The following OPRM1 variants were observed in gnomAD, a reference collection of about 807,000 sequenced individuals.
OPRM1 encodes mu-type opioid receptor.
OPRM1 carries 27 observed loss-of-function variants against 31.8 expected under a neutral mutation model. That is an observed-to-expected ratio of 0.85 (90% CI 0.63 to 1.17). The LOEUF (loss-of-function observed/expected upper bound fraction) is 1.17, where lower values mean the gene tolerates loss of function less well. Ranked by LOEUF, OPRM1 falls within the 50% of genes most tolerant of loss-of-function variation. The probability of loss-of-function intolerance (pLI) is 0.00; values close to 1 mark genes in which losing one functional copy is unlikely to be tolerated. For missense variants in OPRM1, 536 were observed against 511.1 expected (o/e 1.05, Z -0.47); for synonymous variants, 196 against 189.9 (o/e 1.03, Z -0.26).
Position 154,120,791 on chromosome 6 carries a change from G to A in OPRM1, c.*2070G>A, listed in dbSNP as rs1347562777. Among the ~76,000 whole-genome samples, 2 of 151,966 alleles carry A rather than the reference G, an allele frequency of 1.3e-5. No individual in the cohort carries two copies. Among genetic ancestry groups the A allele is most frequent in the East Asian group, 1.9e-4 (1 of 5,196 alleles). Reference sequence around the variant, plus strand: ...TCTGCTTAATACCAGCTCCTAGTACGAATTATCTGGCATGTTGAGAGCAAC... The same window carrying A: ...TCTGCTTAATACCAGCTCCTAGTACAAATTATCTGGCATGTTGAGAGCAAC... On this transcript the variant is annotated 3_prime_UTR_variant, in exon 4 of 4. Coordinates refer to ENST00000330432, the MANE Select transcript of OPRM1 (RefSeq NM_000914.5).
Position 154,051,637 on chromosome 6 carries a change from A to G in OPRM1, c.290+11803A>G, listed in dbSNP as rs1039382825. ...TCAAAACTACAATGAGAACCATCTCATGCCAGTCAGAATGGCGATTATTAA... is the reference window on the plus strand; with the variant it reads ...TCAAAACTACAATGAGAACCATCTCGTGCCAGTCAGAATGGCGATTATTAA... On this transcript the variant is annotated intron_variant, in intron 1 of 3. Coordinates refer to ENST00000330432, the MANE Select transcript of OPRM1 (RefSeq NM_000914.5). 2.6e-5 allele frequency among the ~76,000 whole-genome samples: 4 copies of G among 152,218 alleles called. No individual in the cohort carries two copies. The South Asian group carries it at 6.2e-4, about 24-fold the overall frequency.
chr6:154,111,791 G>A (rs1457103727), intron 3 of OPRM1, among the ~76,000 whole-genome samples: 1 of 151,136 alleles, frequency 6.6e-6, no homozygotes, highest in Non-Finnish European at 1.5e-5. Context: ...TTTTGAGACC[G>A]AGTCTCGCTC....
chr6:154,145,094 C>T (rs1798324754), intron 3 of OPRM1, among the ~76,000 whole-genome samples: 6 of 152,016 alleles, frequency 3.9e-5, no homozygotes, highest in Admixed American at 3.9e-4. Context: ...CAAGGATGTC[C>T]ACCCTCACTA....
Position 154,186,468 on chromosome 6 carries a change from A to G in OPRM1, c.1165-60225A>G, listed in dbSNP as rs561305217. Among the ~76,000 whole-genome samples, 5 of 152,246 alleles carry G rather than the reference A, an allele frequency of 3.3e-5. No individual in the cohort carries two copies. In the South Asian group the frequency reaches 8.3e-4, roughly 25 times the overall value. ...CAAATCCCATCACCTCCACCTGAAC[A>G]CAGGCAGCAGCCACCTCGCCGCCTA... On this transcript the variant is annotated intron_variant, in intron 3 of 3. Transcript: ENST00000337049.
chr6:154,097,471 A>T (rs1231709130), intron 3 of OPRM1, among the ~76,000 whole-genome samples: 2 of 152,156 alleles, frequency 1.3e-5, no homozygotes, highest in Non-Finnish European at 2.9e-5. Flanking sequence ...GGGAAAAAAA[A>T]CTCAAATGAG....
chr6:154,195,926 G>C (rs1776586332), intron 3 of OPRM1, among the ~76,000 whole-genome samples: 1 of 151,762 alleles, frequency 6.6e-6, no homozygotes, highest in African/African-American at 2.4e-5. Flanking sequence ...AGAGTAGCTG[G>C]GATTACAGGT....
chr6:154,152,347 G>GAAAGAAAGAAAGAAAGAAAGAAAA, intron 3 of OPRM1, among the ~76,000 whole-genome samples: 5 of 65,202 alleles, frequency 7.7e-5, no homozygotes, highest in Admixed American at 2.0e-4. Flanking sequence ...AAGAAAGAAA[G>GAAAGAAAGAAAGAAAGAAAGAAAA]GAAAGAAAGA....
intron 1 of OPRM1, among the ~76,000 whole-genome samples, chr6:154,019,130 T>C (rs1455860940): frequency 2.0e-5 from 3 of 150,954 alleles, no homozygotes; most frequent in African/African-American, 7.3e-5. Flanking sequence ...ATTATTTTAG[T>C]AATTTTAAAA....
At chr6:154,020,948 A>T (rs1309327873) in intron 1 of OPRM1, among the ~76,000 whole-genome samples, 2 of 152,202 alleles carry the variant, frequency 1.3e-5, no homozygotes, top group Non-Finnish European at 2.9e-5. Flanking sequence ...TTCACAGAGT[A>T]AATGTTTTTA....
intron 3 of OPRM1, among the ~76,000 whole-genome samples, chr6:154,167,542 C>T (rs1474940692): frequency 2.6e-5 from 4 of 152,138 alleles, no homozygotes; most frequent in South Asian, 4.1e-4. Flanking sequence ...CTTATTTATA[C>T]GACTGTTTAT....
chr6:154,239,962 A>G (rs755093800), intron 3 of OPRM1, among the ~76,000 whole-genome samples: 1 of 152,240 alleles, frequency 6.6e-6, no homozygotes, highest in Non-Finnish European at 1.5e-5. Context: ...TCAGCCACCC[A>G]AAGTGCTGGG....
At chr6:154,052,270 C>A (rs913608044) in intron 1 of OPRM1, among the ~76,000 whole-genome samples, 2 of 152,168 alleles carry the variant, frequency 1.3e-5, no homozygotes, top group Non-Finnish European at 2.9e-5. Flanking sequence ...GTGCAGCAAA[C>A]CACCGTGGCA....
At position 154,086,582 on chromosome 6, in the gene OPRM1, A is replaced by G. The variant is rs772638457; in HGVS notation, c.291-3244A>G. On this transcript the variant is annotated intron_variant, in intron 1 of 3. Transcript: ENST00000330432. ...GAACCCTGACATAATTTTTTTTTCC[A>G]CAAACACCTCACTCTGGAGAAGGAA... 2.1e-4 allele frequency: 202 copies of G among 984,824 alleles called. 1 individual carries two copies. The highest frequency in any genetic ancestry group is 6.9e-5 in the Non-Finnish European group (57 of 829,570). 61.0% of individuals were successfully genotyped at this position (984,824 alleles called of 1,614,324 possible). A position where few individuals can be genotyped will look rare whatever the true frequency, so the allele number is the denominator to read the frequency against.
chr6:154,020,597 G>A (rs1562371902), intron 1 of OPRM1, among the ~76,000 whole-genome samples: 1 of 152,154 alleles, frequency 6.6e-6, no homozygotes, highest in Non-Finnish European at 1.5e-5. Flanking sequence ...TGAGATTATG[G>A]CATTTGGGAT....
intron 1 of OPRM1, among the ~76,000 whole-genome samples, chr6:154,085,853 CA>C (rs1790405914): frequency 6.7e-6 from 1 of 149,126 alleles, no homozygotes. Flanking sequence ...GGACAACATT[CA>C]TGCCACCACA....
At chr6:154,050,235 T>C (rs1435554384) in intron 1 of OPRM1, among the ~76,000 whole-genome samples, 2 of 152,192 alleles carry the variant, frequency 1.3e-5, no homozygotes, top group African/African-American at 4.8e-5. Flanking sequence ...TTTTGGTAGG[T>C]TGTATGTATA....
upstream of OPRM1, among the ~76,000 whole-genome samples, chr6:154,037,216 T>C (rs1217342509): frequency 2.0e-5 from 3 of 152,048 alleles, no homozygotes; most frequent in Non-Finnish European, 4.4e-5. Context: ...TATCCATCTT[T>C]TTAAACTCCA....
intron 3 of OPRM1, among the ~76,000 whole-genome samples, chr6:154,195,427 G>A (rs1300195488): frequency 6.6e-6 from 1 of 152,108 alleles, no homozygotes; most frequent in African/African-American, 2.4e-5. Flanking sequence ...GATTACAGGT[G>A]TGAGCCACCG....
At chr6:154,141,694 G>A (rs535859024) in intron 3 of OPRM1, among the ~76,000 whole-genome samples, 40 of 152,314 alleles carry the variant, frequency 2.6e-4, no homozygotes, top group Admixed American at 1.0e-3. Flanking sequence ...AACGCGAAGC[G>A]GGCAAAGGGC....
Sources: gnomAD v4.1 joint callset for allele counts (sites outside exome capture counted in the v4.1 genomes callset) on GRCh38, gnomAD v4.1.1 for gene constraint, MANE v1.5 for transcripts, NCBI Gene and HGNC (gene_info 2026-07-23, HGNC 2026-07-21) for gene names.